Variants in TNIP3 observed in about 807,000 individuals in gnomAD.
The protein encoded by TNIP3 is TNFAIP3-interacting protein 3.
A neutral mutation model predicts 54.1 loss-of-function variants in TNIP3; 34 were observed. That is an observed-to-expected ratio of 0.63 (90% confidence interval 0.48 to 0.84). TNIP3 has a LOEUF of 0.84. Among genes scored for constraint, TNIP3 ranks in the 40% least tolerant of loss-of-function variants. The pLI is 0.00. For missense variants in TNIP3, 366 were observed against 387.6 expected, an observed-to-expected ratio of 0.94 and a Z score of 0.47; for synonymous variants, 134 against 136.8, an observed-to-expected ratio of 0.98 and a Z score of 0.14.
intron 3 of TNIP3, among the ~76,000 whole-genome samples, chr4:121,176,249 G>A (rs1346645611): frequency 6.6e-6 from 1 of 152,204 alleles, no homozygotes; most frequent in Non-Finnish European, 1.5e-5. Context: ...GCCATAAGGT[G>A]CAGCGGCTGA....
chr4:121,174,842 C>G (rs967380945), intron 3 of TNIP3, among the ~76,000 whole-genome samples: 1 of 152,172 alleles, frequency 6.6e-6, no homozygotes, highest in Admixed American at 6.5e-5. Flanking sequence ...GAGAATGACA[C>G]GAACATTCTT....
At chr4:121,204,032 G>C (rs1301844448) in intron 2 of TNIP3, among the ~76,000 whole-genome samples, 1 of 150,514 alleles carries the variant, frequency 6.6e-6, no homozygotes, top group Non-Finnish European at 1.5e-5. Flanking sequence ...TGGTTATTTT[G>C]CATTTATGAA....
intron 10 of TNIP3, among the ~76,000 whole-genome samples, chr4:121,133,442 A>C (rs1010025094): frequency 4.6e-5 from 7 of 152,222 alleles, no homozygotes; most frequent in Non-Finnish European, 1.0e-4. Context: ...AAAGGTATCT[A>C]ATATGTTGAG....
intron 4 of TNIP3, among the ~76,000 whole-genome samples, chr4:121,155,580 A>G (rs879602917): frequency 6.6e-6 from 1 of 152,204 alleles, no homozygotes; most frequent in Non-Finnish European, 1.5e-5. Flanking sequence ...TAAAATTGTC[A>G]TCCAGAAGTG....
chr4:121,166,909 T>C (rs1730798536), upstream of TNIP3, among the ~76,000 whole-genome samples: 1 of 152,168 alleles, frequency 6.6e-6, no homozygotes, highest in South Asian at 2.1e-4. Context: ...AATTAGATTA[T>C]CTGGACTCAC....
chr4:121,137,226 A>G (rs566728862), intron 10 of TNIP3, among the ~76,000 whole-genome samples: 1 of 152,326 alleles, frequency 6.6e-6, no homozygotes, highest in Non-Finnish European at 1.5e-5. Flanking sequence ...TATCTTTAAT[A>G]GTCATTCCAG....
At chr4:121,188,002 C>T (rs868028008) in intron 2 of TNIP3, among the ~76,000 whole-genome samples, 2 of 152,004 alleles carry the variant, frequency 1.3e-5, no homozygotes, top group South Asian at 4.1e-4. Context: ...GAACCAAATA[C>T]TATTACTAAA....
chr4:121,199,885 G>A (rs1399793387), intron 2 of TNIP3, among the ~76,000 whole-genome samples: 1 of 152,200 alleles, frequency 6.6e-6, no homozygotes, highest in Non-Finnish European at 1.5e-5. Context: ...TAGGAGCGAA[G>A]GCTGGGATAC....
intron 1 of TNIP3, among the ~76,000 whole-genome samples, chr4:121,224,152 C>T (rs1011218501): frequency 3.3e-5 from 5 of 152,158 alleles, no homozygotes; most frequent in African/African-American, 7.2e-5. Context: ...CACCTGAGGT[C>T]AGGAGTTTGA....
chr4:121,191,130 T>C (rs1370439073), intron 2 of TNIP3, among the ~76,000 whole-genome samples: 1 of 152,168 alleles, frequency 6.6e-6, no homozygotes, highest in Non-Finnish European at 1.5e-5. Context: ...ATGCTATCAT[T>C]AAGGTTATTT....
At chr4:121,151,043 T>G (rs1229847614) in intron 5 of TNIP3, among the ~76,000 whole-genome samples, 1 of 152,248 alleles carries the variant, frequency 6.6e-6, no homozygotes, top group Non-Finnish European at 1.5e-5. Context: ...TACATTATGT[T>G]TGGTAATATC....
chr4:121,183,942 A>G (rs1241870009), intron 2 of TNIP3, among the ~76,000 whole-genome samples: 4 of 152,094 alleles, frequency 2.6e-5, no homozygotes, highest in Non-Finnish European at 5.9e-5. Context: ...AATACAGTGC[A>G]CAATCAATGT....
At chr4:121,157,010 A>C in intron 4 of TNIP3, 84 bp downstream of exon 4, 1 of 1,570,902 alleles carries the variant, frequency 6.4e-7, no homozygotes, top group Non-Finnish European at 8.7e-7. Flanking sequence ...ATTTTAATAA[A>C]ACGGTAGGTT....
chr4:121,169,947 T>C (rs369281083), intron 3 of TNIP3, among the ~76,000 whole-genome samples: 17 of 152,338 alleles, frequency 1.1e-4, no homozygotes, highest in African/African-American at 3.1e-4. Context: ...AGAAGGCAAA[T>C]TGGCTTTTGT....
chr4:121,136,125 A>G (rs1341533043), intron 10 of TNIP3, among the ~76,000 whole-genome samples: 1 of 152,240 alleles, frequency 6.6e-6, no homozygotes, highest in Admixed American at 6.5e-5. Flanking sequence ...AGGGCTGTCC[A>G]TGCACAGGTT....
intron 9 of TNIP3, 130 bp downstream of exon 9, chr4:121,141,686 T>C: frequency 1.9e-6 from 1 of 522,176 alleles, no homozygotes. Context: ...ACTCCAACTT[T>C]GCAAGTTAGA....
intron 1 of TNIP3, among the ~76,000 whole-genome samples, chr4:121,163,261 T>C (rs1157848246): frequency 6.6e-6 from 1 of 152,182 alleles, no homozygotes; most frequent in Non-Finnish European, 1.5e-5. Flanking sequence ...TTGTTATAGT[T>C]CATATGTCTC....
Position 121,154,608 on chromosome 4 carries a change from A to AT in TNIP3, c.434dup (p.Asn145LysfsTer14). The AT allele has an allele frequency of 6.2e-7, 1 of 1,613,634 alleles. No individual in the cohort carries two copies. Among genetic ancestry groups the AT allele is most frequent in the Non-Finnish European group, 8.5e-7 (1 of 1,179,924 alleles). ...GTTCCTTTTCCTTGTTCGCAAGAGT[A>AT]TTTTTTCCCTTTAAAAGTTTATTCT... On this transcript the variant is annotated frameshift_variant, in exon 5 of 11. Transcript: ENST00000057513. LOFTEE classifies it high-confidence loss of function.
At chr4:121,223,849 A>C (rs1020179389) in intron 1 of TNIP3, among the ~76,000 whole-genome samples, 1 of 152,238 alleles carries the variant, frequency 6.6e-6, no homozygotes, top group Non-Finnish European at 1.5e-5. Context: ...TTTCAGCAAT[A>C]GAAGCAATAT....
Sources: allele counts gnomAD v4.1 joint callset (sites outside exome capture counted in the v4.1 genomes callset), GRCh38; gene constraint gnomAD v4.1.1; transcripts MANE v1.5; gene names NCBI Gene and HGNC (gene_info 2026-07-23, HGNC 2026-07-21).